The following PARN variants were observed in gnomAD, a reference collection of about 807,000 sequenced individuals.
PARN encodes poly(A)-specific ribonuclease.
PARN carries 71 observed loss-of-function variants against 102.8 expected under a neutral mutation model. That is an observed-to-expected ratio of 0.69 (90% CI 0.57 to 0.84). The LOEUF is 0.84. PARN is among the 40% of genes least tolerant of loss of function. PARN has a pLI of 0.00. For synonymous variants in PARN, 261 were observed against 252.9 expected (o/e 1.03, Z -0.30); for missense variants, 782 against 760.9 (o/e 1.03, Z -0.33).
chr16:14,609,941 A>C (rs1324046376), intron 7 of PARN, among the ~76,000 whole-genome samples: 1 of 152,198 alleles, frequency 6.6e-6, no homozygotes, highest in African/African-American at 2.4e-5. Flanking sequence ...GGGCTGGACA[A>C]TGGCTCACGC....
chr16:14,501,398 G>A (rs981701258), intron 21 of PARN, among the ~76,000 whole-genome samples: 5 of 96,982 alleles, frequency 5.2e-5, no homozygotes, highest in African/African-American at 7.0e-5. Context: ...ACTTGATTGC[G>A]CCACTGCACT....
At position 14,628,180 on chromosome 16, in the gene PARN, G is replaced by A. The variant is rs750899311; in HGVS notation, c.169C>T (p.Leu57Phe). 1.3e-6 allele frequency: 2 copies of A among 1,584,026 alleles called. No individual in the cohort carries two copies. The highest frequency in any genetic ancestry group is 2.7e-5 in the African/African-American group (2 of 74,298). ...FDTPEERYQK[L>F]KKHSMDFLLF... is the part of the protein sequence containing the mutation. ...CTAGCACATCCACTTGCCTTTTTAA[G>A]CTTCTGATACCTCTCTTCTGGAGTG... The change falls in exon 3 of 24, where the codon CTT becomes TTT. Residue 57 changes from leucine (L) to phenylalanine (F), a missense_variant. Leu to Phe is a conservative substitution (Grantham distance 22). Transcript: ENST00000437198.
intron 22 of PARN, among the ~76,000 whole-genome samples, chr16:14,472,229 T>C (rs1962789073): frequency 6.6e-6 from 1 of 152,238 alleles, no homozygotes; most frequent in African/African-American, 2.4e-5. Context: ...ATTTTCCTGG[T>C]TAATCATTCT....
intron 11 of PARN, among the ~76,000 whole-genome samples, chr16:14,600,849 G>T (rs973397843): frequency 6.6e-6 from 1 of 152,144 alleles, no homozygotes; most frequent in Non-Finnish European, 1.5e-5. Context: ...AGAATCGCTT[G>T]AACCCGGGAG....
At chr16:14,581,178 G>T (rs1046461000) in intron 17 of PARN, among the ~76,000 whole-genome samples, 6 of 151,940 alleles carry the variant, frequency 3.9e-5, no homozygotes, top group African/African-American at 1.5e-4. Context: ...TCAGCCTCCC[G>T]AGGACCAGGG....
chr16:14,443,821 C>T (rs1961066498), intron 23 of PARN, among the ~76,000 whole-genome samples: 1 of 152,150 alleles, frequency 6.6e-6, no homozygotes. Context: ...GCTGGGCCCC[C>T]AAGCCCCTGA....
At chr16:14,629,492 C>G in intron 2 of PARN, 105 bp downstream of exon 2, 1 of 831,388 alleles carries the variant, frequency 1.2e-6, no homozygotes, top group Admixed American at 2.0e-5. Flanking sequence ...AGGCTACTAA[C>G]AGCAAGAGGC....
In PARN at chr16:14,446,917, T is replaced by C. The variant is rs1361443338; in HGVS notation, c.1835A>G (p.Lys612Arg). 5.6e-6 allele frequency: 9 copies of C among 1,613,112 alleles called. No individual in the cohort carries two copies. In the East Asian group the frequency reaches 8.9e-5, roughly 16 times the overall value. Residue 612 changes from lysine to arginine, a missense_variant, in exon 23 of 24, where the codon AAA (lysine) becomes AGA (arginine). By Grantham distance (26) the Lys-to-Arg change is conservative (BLOSUM62 2). Transcript: ENST00000437198. ...TGGAGAAAGCTCCTTCTTCATTCTT[T>C]TTAATTTCTTGGCCTTTTTCCTTCC... ...SEGRKKAKKL[K>R]RMKKELSPAG...
chr16:14,614,840 C>T (rs1448922488), intron 6 of PARN, among the ~76,000 whole-genome samples: 1 of 47,862 alleles, frequency 2.1e-5, no homozygotes, highest in Non-Finnish European at 3.5e-5. Flanking sequence ...AAGAGCGAAA[C>T]TGTCTCAAAA....
chr16:14,506,309 A>G (rs951110019), intron 21 of PARN, among the ~76,000 whole-genome samples: 3 of 152,228 alleles, frequency 2.0e-5, no homozygotes, highest in African/African-American at 7.2e-5. Context: ...TAAAAGTAAC[A>G]CAAGACTTTG....
chr16:14,590,234 C>CAAAAAAAAAAAAAAAAA (rs11302769), intron 13 of PARN, among the ~76,000 whole-genome samples: 1 of 45,956 alleles, frequency 2.2e-5, no homozygotes, highest in Non-Finnish European at 3.4e-5. Context: ...GACTCCATCT[C>CAAAAAAAAAAAAAAAAA]AAAAAAAAAA....
At chr16:14,593,996 CA>C (rs1205677971) in intron 12 of PARN, among the ~76,000 whole-genome samples, 95 of 130,148 alleles carry the variant, frequency 7.3e-4, no homozygotes, top group Admixed American at 8.6e-4. Context: ...GACCCCGTCT[CA>C]AAAAAAAAAA....
chr16:14,507,262 G>A (rs528173713), intron 21 of PARN, among the ~76,000 whole-genome samples: 5 of 150,650 alleles, frequency 3.3e-5, no homozygotes, highest in South Asian at 4.2e-4. Flanking sequence ...GGAGGTGGAG[G>A]TTGCGGTGAG....
intron 21 of PARN, among the ~76,000 whole-genome samples, chr16:14,522,083 A>G (rs1307170116): frequency 6.6e-6 from 1 of 152,226 alleles, no homozygotes; most frequent in Non-Finnish European, 1.5e-5. Context: ...AAAATGCCTA[A>G]CAACACATTT....
intron 23 of PARN, among the ~76,000 whole-genome samples, chr16:14,437,313 T>C (rs1253614281): frequency 2.0e-5 from 3 of 152,212 alleles, no homozygotes; most frequent in African/African-American, 7.2e-5. Flanking sequence ...CTCTGTGCTG[T>C]GCTGTGGCTC....
chr16:14,492,631 C>A lies in PARN; in HGVS notation c.1481-9804G>T, dbSNP rs117096358. On this transcript the variant is annotated intron_variant, in intron 21 of 23. Transcript: ENST00000437198. The stretch of plus-strand genomic sequence containing the variant: ...ATCCTTCCCCTCAATTAAATATGGA[C>A]AGGCATGCACACTGGCCACTGTTCC... Among the ~76,000 whole-genome samples the A allele has an allele frequency of 2.7e-3, 409 of 152,342 alleles. 1 individual carries two copies. Among genetic ancestry groups the A allele is most frequent in the Non-Finnish European group, 4.6e-3 (311 of 68,030 alleles).
In PARN at chr16:14,586,321, G is replaced by C; in HGVS notation, c.959C>G (p.Pro320Arg). ...CAAATCCTCAAAGAAAGCTTACCTG[G>C]GGAAAACACATGTTGTCATCTCTTT... ...EFKEMTTCVF[P>R]RLLDTKLMAS... The change falls in exon 14 of 24, where the codon CCC (proline) becomes CGC (arginine). Residue 320 changes from proline to arginine, a missense_variant. By Grantham distance (103) the Pro-to-Arg change is moderately radical (BLOSUM62 -2). Coordinates refer to ENST00000437198, the MANE Select transcript of PARN (RefSeq NM_002582.4). The C allele has an allele frequency of 6.5e-7, 1 of 1,545,966 alleles. No homozygotes were observed. The highest frequency in any genetic ancestry group is 8.8e-7 in the Non-Finnish European group (1 of 1,138,094).
chr16:14,614,028 G>A (rs1181563818), intron 6 of PARN, among the ~76,000 whole-genome samples: 1 of 152,152 alleles, frequency 6.6e-6, no homozygotes, highest in East Asian at 1.9e-4. Context: ...GAGCTTTAGG[G>A]GGTGGCGGCA....
intron 6 of PARN, among the ~76,000 whole-genome samples, chr16:14,614,083 C>A (rs1051722592): frequency 6.6e-6 from 1 of 151,804 alleles, no homozygotes; most frequent in Non-Finnish European, 1.5e-5. Context: ...ATAGTGAGAC[C>A]CTGCCTCTAT....
Sources: gnomAD v4.1 joint callset for allele counts (sites outside exome capture counted in the v4.1 genomes callset) on GRCh38, gnomAD v4.1.1 for gene constraint, MANE v1.5 for transcripts, NCBI Gene and HGNC (gene_info 2026-07-23, HGNC 2026-07-21) for gene names.